Variants in ANAPC10 observed in about 807,000 individuals in gnomAD.
The protein encoded by ANAPC10 is anaphase-promoting complex subunit 10.
In ANAPC10, 12 loss-of-function variants were observed where a neutral mutation model predicts 22.0. The observed-to-expected ratio is 0.55, with a 90% CI of 0.35 to 0.88. The LOEUF is 0.88. ANAPC10 is among the 40% of genes least tolerant of loss of function. ANAPC10 has a pLI of 0.01. For synonymous variants in ANAPC10, 65 were observed against 69.5 expected (o/e 0.94, Z 0.32); for missense variants, 188 against 220.9 (o/e 0.85, Z 0.94).
At chr4:145,029,792 G>A (rs1737277215) in intron 4 of ANAPC10, among the ~76,000 whole-genome samples, 1 of 152,116 alleles carries the variant, frequency 6.6e-6, no homozygotes, top group Non-Finnish European at 1.5e-5. Flanking sequence ...TAGTGGATTA[G>A]TCACTTTAGA....
chr4:145,080,632 G>A (rs1045831257), intron 3 of ANAPC10, among the ~76,000 whole-genome samples: 1 of 152,204 alleles, frequency 6.6e-6, no homozygotes, highest in East Asian at 1.9e-4. Context: ...GTATAGGCCA[G>A]GTACAGTGGC....
At chr4:145,018,117 T>TA (rs1196385207) in intron 4 of ANAPC10, among the ~76,000 whole-genome samples, 2 of 127,888 alleles carry the variant, frequency 1.6e-5, no homozygotes, top group Non-Finnish European at 1.8e-5. Flanking sequence ...TAGAGTATAA[T>TA]AAAAAAAATA....
chr4:145,084,888 A>C (rs1746633400), intron 2 of ANAPC10, among the ~76,000 whole-genome samples: 1 of 152,204 alleles, frequency 6.6e-6, no homozygotes, highest in Admixed American at 6.5e-5. Flanking sequence ...TATTACAATT[A>C]ATTTCACCTA....
intron 4 of ANAPC10, among the ~76,000 whole-genome samples, chr4:145,007,999 G>A (rs1220371095): frequency 6.6e-6 from 1 of 151,854 alleles, no homozygotes; most frequent in Non-Finnish European, 1.5e-5. Flanking sequence ...AATGATAAAG[G>A]GGATATCACC....
In ANAPC10 at chr4:145,019,036, GTCA is replaced by G. The variant is rs1466996888; in HGVS notation, c.328-23436_328-23434del. Among the ~76,000 whole-genome samples, 4 of 152,234 alleles carry G rather than the reference GTCA, an allele frequency of 2.6e-5. No homozygotes were observed. In the East Asian group the frequency reaches 7.7e-4, roughly 29 times the overall value. The stretch of plus-strand genomic sequence containing the variant: ...ATACTCCACTGACAGCACTAGACAG[GTCA>G]TCAAGACAGAAAGTCAACAAATAAA... On this transcript the variant is annotated intron_variant, in intron 4 of 4. Transcript: ENST00000507656.
At chr4:145,063,320 AAAC>A (rs771365448) in intron 4 of ANAPC10, among the ~76,000 whole-genome samples, 4 of 152,216 alleles carry the variant, frequency 2.6e-5, no homozygotes, top group Non-Finnish European at 4.4e-5. Flanking sequence ...TCAAAAGACA[AAAC>A]AACAACAAAA....
At chr4:145,049,799 G>A (rs1271409211) in intron 4 of ANAPC10, among the ~76,000 whole-genome samples, 1 of 151,852 alleles carries the variant, frequency 6.6e-6, no homozygotes, top group African/African-American at 2.4e-5. Context: ...TGCCCAGGCT[G>A]GTCTTGAGCT....
At chr4:145,060,566 T>C (rs1213538549) in intron 4 of ANAPC10, among the ~76,000 whole-genome samples, 2 of 151,712 alleles carry the variant, frequency 1.3e-5, no homozygotes, top group African/African-American at 4.9e-5. Context: ...AACAAATTCA[T>C]AATTTCTAGT....
chr4:145,077,920 CG>C (rs950118286), intron 3 of ANAPC10, among the ~76,000 whole-genome samples: 1 of 151,920 alleles, frequency 6.6e-6, no homozygotes, highest in Non-Finnish European at 1.5e-5. Context: ...AACATCATAC[CG>C]AGCAAAAACT....
At chr4:145,089,393 A>T (rs1289861502) in intron 2 of ANAPC10, among the ~76,000 whole-genome samples, 1 of 152,210 alleles carries the variant, frequency 6.6e-6, no homozygotes, top group Non-Finnish European at 1.5e-5. Flanking sequence ...TTTGTATCAA[A>T]TATAGAGTTA....
At chr4:145,006,411 T>C (rs1560811086) in intron 4 of ANAPC10, among the ~76,000 whole-genome samples, 1 of 152,060 alleles carries the variant, frequency 6.6e-6, no homozygotes, top group Non-Finnish European at 1.5e-5. Flanking sequence ...GTCTCCTGAA[T>C]ACATGTCTTC....
chr4:145,017,689 T>C (rs1578922588), intron 4 of ANAPC10, among the ~76,000 whole-genome samples: 1 of 152,236 alleles, frequency 6.6e-6, no homozygotes, highest in East Asian at 1.9e-4. Flanking sequence ...ATTGCAGCAC[T>C]ACTCACAATA....
intron 1 of ANAPC10, 90 bp from the exon 2 acceptor site, chr4:145,096,201 A>C (rs564955807): frequency 1.3e-4 from 165 of 1,268,404 alleles, no homozygotes; most frequent in Non-Finnish European, 1.5e-4. Context: ...AATGGAACTC[A>C]TATACCCTGA....
At chr4:145,050,488 A>G (rs1740942497) in intron 4 of ANAPC10, among the ~76,000 whole-genome samples, 1 of 152,214 alleles carries the variant, frequency 6.6e-6, no homozygotes, top group South Asian at 2.1e-4. Flanking sequence ...CCCTAACAAA[A>G]GAGCCAGCCT....
At chr4:145,028,258 G>T (rs575239782) in intron 4 of ANAPC10, among the ~76,000 whole-genome samples, 34 of 152,194 alleles carry the variant, frequency 2.2e-4, no homozygotes, top group African/African-American at 8.2e-4. Context: ...AGCTTCCAGC[G>T]AATATAAAGC....
intron 4 of ANAPC10, among the ~76,000 whole-genome samples, chr4:145,036,370 C>T (rs1403746381): frequency 2.0e-5 from 3 of 152,276 alleles, no homozygotes; most frequent in Middle Eastern, 3.4e-3. Flanking sequence ...TACGTACATG[C>T]ATTTAGAAAT....
chr4:145,070,460 C>A (rs34134460), intron 3 of ANAPC10, among the ~76,000 whole-genome samples: 42,568 of 152,034 alleles, frequency 0.28, 7,484 homozygotes, highest in Non-Finnish European at 0.38. Flanking sequence ...AAAATCAAAA[C>A]TATAATGAGA....
At chr4:145,096,760 G>A (rs1158360099) in intron 1 of ANAPC10, among the ~76,000 whole-genome samples, 1 of 151,672 alleles carries the variant, frequency 6.6e-6, no homozygotes, top group Non-Finnish European at 1.5e-5. Context: ...ATGTTACCCA[G>A]GCTGGTCTTG....
intron 2 of ANAPC10, among the ~76,000 whole-genome samples, chr4:145,090,972 C>A (rs200740929): frequency 6.6e-6 from 1 of 152,116 alleles, no homozygotes; most frequent in Non-Finnish European, 1.5e-5. Flanking sequence ...AAGCAAAGAT[C>A]GAGCAATCAC....
Sources: gnomAD v4.1 joint callset for allele counts (sites outside exome capture counted in the v4.1 genomes callset) on GRCh38, gnomAD v4.1.1 for gene constraint, MANE v1.5 for transcripts, NCBI Gene and HGNC (gene_info 2026-07-23, HGNC 2026-07-21) for gene names.